Variants in KCNE1 observed in about 807,000 individuals in gnomAD.
The protein encoded by KCNE1 is potassium voltage-gated channel subfamily E regulatory subunit 1, also known as potassium voltage-gated channel subfamily E member 1.
A neutral mutation model predicts 2.9 loss-of-function variants in KCNE1; 1 was observed. The ratio of observed to expected loss-of-function variants is 0.34; its 90% CI spans 0.12 to 1.62. The LOEUF (loss-of-function observed/expected upper bound fraction) is 1.62, where lower values mean the gene tolerates loss of function less well. KCNE1 is among the 40% of genes most tolerant of loss of function. The pLI, the probability that KCNE1 is intolerant of heterozygous loss-of-function variation, is 0.36. For synonymous variants in KCNE1, 23 were observed against 65.4 expected, an observed-to-expected ratio of 0.35 and a Z score of 3.13; for missense variants, 45 against 150.5, an observed-to-expected ratio of 0.30 and a Z score of 3.67.
At position 34,511,188 on chromosome 21, in the gene KCNE1, C is replaced by G; in HGVS notation, c.-249G>C. ...CCTTCTCTTCAGGTGGTCTTAGGAACTTCTCAGAACTTTTTGAGTTATCCT... is the reference window on the plus strand; with the variant it reads ...CCTTCTCTTCAGGTGGTCTTAGGAAGTTCTCAGAACTTTTTGAGTTATCCT... On this transcript the variant is annotated 5_prime_UTR_variant, in exon 2 of 4. Coordinates refer to ENST00000399286, the MANE Select transcript of KCNE1 (RefSeq NM_000219.6). 1.0e-6 allele frequency: 1 copy of G among 985,756 alleles called. No homozygotes were observed. Among genetic ancestry groups the G allele is most frequent in the Non-Finnish European group, 1.2e-6 (1 of 830,188 alleles). The allele number at this position is 985,756 out of a possible 1,614,324, so 61.1% of individuals were successfully genotyped here.
intron 2 of KCNE1, among the ~76,000 whole-genome samples, chr21:34,502,293 T>C (rs1983214421): frequency 6.6e-6 from 1 of 152,176 alleles, no homozygotes. Flanking sequence ...ATAACTAGTA[T>C]TTAGCACTGT....
chr21:34,504,191 G>C (rs1399600473), intron 2 of KCNE1, among the ~76,000 whole-genome samples: 1 of 151,590 alleles, frequency 6.6e-6, no homozygotes, highest in South Asian at 2.1e-4. Flanking sequence ...TTGGACTCGG[G>C]TGTGTGTTTG....
At position 34,495,847 on chromosome 21, in the gene KCNE1, CT is replaced by C. The variant is rs563958323; in HGVS notation, c.-162+15253del. On this transcript the variant is annotated intron_variant, in intron 2 of 3. Coordinates refer to ENST00000399286, the MANE Select transcript of KCNE1 (RefSeq NM_000219.6). ...GAATCATCTTTTTTGTTTCACTTAT[CT>C]TTTTGTTAATGTTGTTGTTTACATT... Among the ~76,000 whole-genome samples, 1,275 of 152,160 alleles carry C rather than the reference CT, an allele frequency of 8.4e-3. 11 individuals carry two copies. The highest frequency in any genetic ancestry group is 0.014 in the Non-Finnish European group (952 of 67,976).
At chr21:34,496,472 A>C (rs1313423446) in intron 2 of KCNE1, among the ~76,000 whole-genome samples, 3 of 152,124 alleles carry the variant, frequency 2.0e-5, no homozygotes, top group African/African-American at 7.2e-5. Context: ...TGTAGTTTTG[A>C]GGGTTCCTTT....
chr21:34,498,896 C>G (rs1982972788), intron 2 of KCNE1, among the ~76,000 whole-genome samples: 1 of 152,182 alleles, frequency 6.6e-6, no homozygotes, highest in African/African-American at 2.4e-5. Context: ...TCTAAGCTTG[C>G]CCGAATTTGG....
chr21:34,510,106 T>G (rs1018460663), intron 2 of KCNE1: 1 of 152,240 alleles, frequency 6.6e-6, no homozygotes, highest in African/African-American at 2.4e-5. Context: ...CTGCCCACAC[T>G]CAAGGGGAGA....
chr21:34,496,309 G>A lies in KCNE1; in HGVS notation c.-162+14792C>T, dbSNP rs567878217. ...AGGATGGTCTTGATCTCCTGACCTC[G>A]TGATCCACCCGCCTTGGCCTCCCAA... On this transcript the variant is annotated intron_variant, in intron 2 of 3. Coordinates refer to ENST00000399286, the MANE Select transcript of KCNE1 (RefSeq NM_000219.6). Among the ~76,000 whole-genome samples, 845 of 152,146 alleles carry A rather than the reference G, an allele frequency of 5.6e-3. 4 individuals are homozygous for A. Among genetic ancestry groups the A allele is most frequent in the Non-Finnish European group, 9.4e-3 (637 of 67,984 alleles).
In KCNE1 at chr21:34,506,992, G is replaced by A. The variant is rs2123527925; in HGVS notation, c.-162+4109C>T. 1.3e-5 allele frequency among the ~76,000 whole-genome samples: 2 copies of A among 152,342 alleles called. 1 individual carries two copies. The highest frequency in any genetic ancestry group is 2.9e-5 in the Non-Finnish European group (2 of 68,034). On this transcript the variant is annotated intron_variant, in intron 2 of 3. Transcript: ENST00000399286. ...GGACGCATGGCACACCCAGAGAACT[G>A]CAGACGCCCTGTCATGCCTGCAGTC...
At chr21:34,497,542 A>G (rs2123504176) in intron 2 of KCNE1, among the ~76,000 whole-genome samples, 2 of 152,344 alleles carry the variant, frequency 1.3e-5, no homozygotes, top group East Asian at 3.9e-4. Flanking sequence ...GTTTCTGCTG[A>G]GAAATCTGCT....
At chr21:34,505,052 G>A (rs567831746) in intron 2 of KCNE1, among the ~76,000 whole-genome samples, 82 of 152,264 alleles carry the variant, frequency 5.4e-4, no homozygotes, top group Middle Eastern at 3.4e-3. Context: ...TTAAATGGGC[G>A]AATTGTATAC....
At chr21:34,501,934 G>C (rs1983193716) in intron 2 of KCNE1, among the ~76,000 whole-genome samples, 1 of 152,178 alleles carries the variant, frequency 6.6e-6, no homozygotes, top group Admixed American at 6.5e-5. Context: ...GTATGCCCTG[G>C]GGAATCACTA....
intron 2 of KCNE1, among the ~76,000 whole-genome samples, chr21:34,509,259 C>A (rs1983690717): frequency 6.6e-6 from 1 of 152,188 alleles, no homozygotes; most frequent in African/African-American, 2.4e-5. Flanking sequence ...GAGGTGTCCT[C>A]TTCCTTGCTG....
At chr21:34,508,228 A>G (rs1467921280) in intron 2 of KCNE1, among the ~76,000 whole-genome samples, 2 of 146,032 alleles carry the variant, frequency 1.4e-5, no homozygotes, top group South Asian at 2.2e-4. Context: ...AGGTTTCACC[A>G]TGTTGCCTAG....
At chr21:34,497,648 G>C (rs1398624746) in intron 2 of KCNE1, among the ~76,000 whole-genome samples, 2 of 152,234 alleles carry the variant, frequency 1.3e-5, no homozygotes, top group South Asian at 4.1e-4. Flanking sequence ...ATAATCTGAT[G>C]ACTACATGCC....
rs886656064 is a variant in KCNE1 at position 34,450,318 on chromosome 21, T to G, written c.-50-634A>C. Among the ~76,000 whole-genome samples the G allele has an allele frequency of 1.8e-4, 9 of 49,800 alleles. 3 individuals carry two copies. The highest frequency in any genetic ancestry group is 3.3e-4 in the Non-Finnish European group (9 of 27,274). 32.7% of individuals were successfully genotyped at this position (49,800 alleles called of 152,430 possible). On this transcript the variant is annotated intron_variant, in intron 3 of 3. Transcript: ENST00000399286. ...AGACTGGTTGCCCTTGGAAGCAACG[T>G]GCAATTGGTGGTCTGTTTCACCACA...
intron 2 of KCNE1, among the ~76,000 whole-genome samples, chr21:34,497,597 C>A (rs536710168): frequency 9.2e-5 from 14 of 152,246 alleles, no homozygotes; most frequent in African/African-American, 3.4e-4. Flanking sequence ...GATGCTTTTG[C>A]CTCACAGCTC....
rs138884514 is a variant in KCNE1, at chr21:34,449,383, G to A, written c.252C>T (p.Ser84=). 6.2e-5 allele frequency: 100 copies of A among 1,605,106 alleles called. No homozygotes were observed. Among genetic ancestry groups the A allele is most frequent in the Admixed American group, 1.4e-4 (8 of 59,008 alleles). Residue 84 remains serine (S), a synonymous_variant, in exon 4 of 4, where the codon TCC becomes TCT. Transcript: ENST00000399286. ...CCTTGTCCTTCTCTTGCCAGGCATC[G>A]GACTCGATGTAGACGTTGAATGGGT... ...SNDPFNVYIE[S]DAWQEKDKAY...
chr21:34,511,611 T>G (rs1370159198), intron 1 of KCNE1, among the ~76,000 whole-genome samples: 2 of 152,138 alleles, frequency 1.3e-5, no homozygotes, highest in African/African-American at 2.4e-5. Context: ...TTATGTACGG[T>G]GTGGTTTTCT....
chr21:34,501,993 G>A (rs1385762916), intron 2 of KCNE1, among the ~76,000 whole-genome samples: 1 of 152,196 alleles, frequency 6.6e-6, no homozygotes, highest in Non-Finnish European at 1.5e-5. Flanking sequence ...CCAGTGGGTG[G>A]GGACCTGGGA....
Sources: gnomAD v4.1 joint callset for allele counts (sites outside exome capture counted in the v4.1 genomes callset) on GRCh38, gnomAD v4.1.1 for gene constraint, MANE v1.5 for transcripts, NCBI Gene and HGNC (gene_info 2026-07-23, HGNC 2026-07-21) for gene names.